SOX5: variants seen among roughly 807,000 people sequenced by gnomAD.
SOX5 encodes the protein transcription factor SOX-5.
SOX5 carries 9 observed loss-of-function variants against 92.0 expected under a neutral mutation model. The ratio of observed to expected loss-of-function variants is 0.10; its 90% confidence interval spans 0.06 to 0.17. The LOEUF (loss-of-function observed/expected upper bound fraction) is 0.17. SOX5 is among the 10% of genes least tolerant of loss of function. SOX5 has a pLI of 1.00. For synonymous variants in SOX5, 344 were observed against 336.3 expected (o/e 1.02, Z -0.25); for missense variants, 642 against 944.5 (o/e 0.68, Z 4.20).
chr12:24,446,086 T>C (rs961726038), intron 1 of SOX5, among the ~76,000 whole-genome samples: 4 of 152,184 alleles, frequency 2.6e-5, no homozygotes, highest in African/African-American at 9.6e-5. Flanking sequence ...TATTGCAATC[T>C]CCTATGTGCT....
chr12:23,894,274 C>G (rs1193967493), intron 2 of SOX5, among the ~76,000 whole-genome samples: 1 of 152,078 alleles, frequency 6.6e-6, no homozygotes, highest in African/African-American at 2.4e-5. Flanking sequence ...TATCACCAGG[C>G]TCGAGTGTAG....
In SOX5 at chr12:23,665,507, G is replaced by C. The variant is rs774033590; in HGVS notation, c.868C>G (p.Leu290Val). ...AATCCTTGCTGGGCAGCTGCAGCCA[G>C]TGTCCGTTGATCAGGAGGGAATACG... ...IPVFPPDQRT[L>V]AAAAQQGFLL... The change falls in exon 7 of 15, where the codon CTG (leucine) becomes GTG (valine). Residue 290 changes from leucine (L) to valine (V), a missense_variant. Physicochemically the swap from Leu to Val is conservative, Grantham distance 32 (BLOSUM62 1). Coordinates refer to ENST00000451604, the MANE Select transcript of SOX5 (RefSeq NM_006940.6). 1.2e-6 allele frequency: 2 copies of C among 1,613,450 alleles called. No individual in the cohort carries two copies. The highest frequency in any genetic ancestry group is 2.2e-5 in the East Asian group (1 of 44,870).
chr12:23,633,572 T>C (rs960961683), intron 8 of SOX5, among the ~76,000 whole-genome samples: 3 of 151,966 alleles, frequency 2.0e-5, no homozygotes, highest in Non-Finnish European at 2.9e-5. Flanking sequence ...TAAATCATCA[T>C]TGGCTCTTGG....
intron 4 of SOX5, among the ~76,000 whole-genome samples, chr12:24,034,782 G>T (rs930450272): frequency 2.0e-5 from 3 of 152,030 alleles, no homozygotes; most frequent in African/African-American, 7.3e-5. Context: ...GAATAAATTT[G>T]TGTGTTTGTG....
chr12:23,654,756 C>A (rs897085427), intron 7 of SOX5, among the ~76,000 whole-genome samples: 6 of 152,010 alleles, frequency 3.9e-5, no homozygotes, highest in African/African-American at 1.4e-4. Flanking sequence ...ATGACTTTAA[C>A]ATTTGAAACT....
intron 6 of SOX5, among the ~76,000 whole-genome samples, chr12:23,692,598 A>C (rs150373558): frequency 0.015 from 2,212 of 152,260 alleles, 19 homozygotes; most frequent in South Asian, 0.028. Flanking sequence ...TATATTCTGT[A>C]TGTGTGTGTG....
At position 23,619,184 on chromosome 12, in the gene SOX5, A is replaced by G. The variant is rs16926461; in HGVS notation, c.1018-14651T>C. 4.2e-3 allele frequency among the ~76,000 whole-genome samples: 642 copies of G among 152,290 alleles called. 4 individuals are homozygous for G. Among genetic ancestry groups the G allele is most frequent in the African/African-American group, 0.015 (614 of 41,566 alleles). On this transcript the variant is annotated intron_variant, in intron 8 of 14. Coordinates refer to ENST00000451604, the MANE Select transcript of SOX5 (RefSeq NM_006940.6). ...CATAAACCTTTAAGATTAAGAAAGT[A>G]TCACATACAAATATTAGTTTTGGCT...
At chr12:23,920,218 T>C (rs1937744359) in intron 1 of SOX5, 1 of 152,240 alleles carries the variant, frequency 6.6e-6, no homozygotes, top group Admixed American at 6.5e-5. Context: ...CTAAATGTTT[T>C]CTACAAAAAG....
intron 1 of SOX5, among the ~76,000 whole-genome samples, chr12:24,559,505 C>T (rs1166077187): frequency 6.6e-6 from 1 of 151,916 alleles, no homozygotes; most frequent in Non-Finnish European, 1.5e-5. Context: ...TCAATGATTA[C>T]TTATCACTCA....
intron 8 of SOX5, among the ~76,000 whole-genome samples, chr12:23,636,647 G>A (rs1436536312): frequency 6.6e-6 from 1 of 152,108 alleles, no homozygotes; most frequent in Admixed American, 6.5e-5. Context: ...ATGTAAAGAG[G>A]CATGAAATAG....
intron 8 of SOX5, among the ~76,000 whole-genome samples, chr12:23,634,317 G>A (rs983124283): frequency 1.3e-5 from 2 of 152,108 alleles, no homozygotes; most frequent in Non-Finnish European, 2.9e-5. Context: ...GATGACTAGT[G>A]CTATAGAGAA....
At chr12:24,361,790 C>A (rs779546869) in intron 2 of SOX5, among the ~76,000 whole-genome samples, 9 of 152,246 alleles carry the variant, frequency 5.9e-5, no homozygotes, top group Non-Finnish European at 1.3e-4. Context: ...TCCATCAGCA[C>A]TAGAATCTCC....
chr12:24,468,798 G>GT (rs772675657), intron 1 of SOX5, among the ~76,000 whole-genome samples: 2 of 151,962 alleles, frequency 1.3e-5, no homozygotes, highest in African/African-American at 2.4e-5. Context: ...GTCTAATGAT[G>GT]TTTTTTAAAA....
chr12:24,125,859 G>C (rs1347896296), intron 4 of SOX5, among the ~76,000 whole-genome samples: 1 of 152,114 alleles, frequency 6.6e-6, no homozygotes, highest in Non-Finnish European at 1.5e-5. Context: ...ACACCATTCT[G>C]GTTTCTGTAC....
rs563500386 is a variant in SOX5, at chr12:24,388,952, TTTTTA to T, written c.-250-20318_-250-20314del. ...CATTGTAGCATGTATCAATATATTA[TTTTTA>T]TTTTATTTATTATTATACTTTAAGT... On this transcript the variant is annotated intron_variant, in intron 1 of 4. Transcript: ENST00000446891. 1.9e-3 allele frequency among the ~76,000 whole-genome samples: 284 copies of T among 152,292 alleles called. 1 individual carries two copies. The highest frequency in any genetic ancestry group is 6.3e-3 in the African/African-American group (262 of 41,550).
At position 23,530,818 on chromosome 12, in the gene SOX5, T is replaced by TGTGCGCGCGC; in HGVS notation, c.*3400_*3401insGCGCGCGCAC. 1.5e-5 allele frequency: 2 copies of TGTGCGCGCGC among 132,088 alleles called. No individual in the cohort carries two copies. The highest frequency in any genetic ancestry group is 2.7e-4 in the South Asian group (1 of 3,704). 8.2% of individuals were successfully genotyped at this position (132,088 alleles called of 1,614,324 possible). A position where few individuals can be genotyped will look rare whatever the true frequency, so the allele number is the denominator to read the frequency against. On this transcript the variant is annotated 3_prime_UTR_variant, in exon 15 of 15. Transcript: ENST00000451604. ...GGGCAAGTGTGTGTGTGTGTGTGTG[T>TGTGCGCGCGC]GCGCGCGCGCGCGCGCGCATGTGAG...
chr12:23,557,362 G>A (rs1425982749), intron 11 of SOX5, among the ~76,000 whole-genome samples: 1 of 152,118 alleles, frequency 6.6e-6, no homozygotes, highest in African/African-American at 2.4e-5. Flanking sequence ...GAAAAAGGAA[G>A]ACATTTTTCC....
Position 23,726,118 on chromosome 12 carries a change from C to CGAGAGAGAGAGAGAGAGAGAGA in SOX5, c.810+8544_810+8565dup, listed in dbSNP as rs60575337. Among the ~76,000 whole-genome samples, 2 of 123,742 alleles carry CGAGAGAGAGAGAGAGAGAGAGA rather than the reference C, an allele frequency of 1.6e-5. 1 individual carries two copies. Among genetic ancestry groups the CGAGAGAGAGAGAGAGAGAGAGA allele is most frequent in the Non-Finnish European group, 3.4e-5 (2 of 59,332 alleles). 81.2% of individuals were successfully genotyped at this position (123,742 alleles called of 152,430 possible). A position where few individuals can be genotyped will look rare whatever the true frequency, so the allele number is the denominator to read the frequency against. ...TAATGGTGTTAAATACATACATCCC[C>CGAGAGAGAGAGAGAGAGAGAGA]GAGAGAGAGAGAGAGAGAGAGAGAG... On this transcript the variant is annotated intron_variant, in intron 6 of 14. Coordinates refer to ENST00000451604, the MANE Select transcript of SOX5 (RefSeq NM_006940.6).
chr12:24,527,904 T>A (rs1950852323), intron 1 of SOX5, among the ~76,000 whole-genome samples: 1 of 152,254 alleles, frequency 6.6e-6, no homozygotes, highest in Non-Finnish European at 1.5e-5. Flanking sequence ...GTGTCAATTA[T>A]TTTATGAAGA....
Sources: gnomAD v4.1 joint callset for allele counts (sites outside exome capture counted in the v4.1 genomes callset) on GRCh38, gnomAD v4.1.1 for gene constraint, MANE v1.5 for transcripts, NCBI Gene and HGNC (gene_info 2026-07-23, HGNC 2026-07-21) for gene names.